URB1: variants seen among roughly 807,000 people sequenced by gnomAD.
The protein encoded by URB1 is URB1 ribosome biogenesis factor.
URB1 carries 197 observed loss-of-function variants against 242.3 expected under a neutral mutation model. The observed-to-expected ratio is 0.81, with a 90% CI of 0.72 to 0.91. URB1 has a LOEUF of 0.91. Ranked by LOEUF, URB1 falls within the 40% of genes least tolerant of loss-of-function variation. The pLI, the probability that URB1 is intolerant of heterozygous loss-of-function variation, is 0.00. For synonymous variants in URB1, 1,153 were observed against 1,201.8 expected (o/e 0.96, Z 0.84); for missense variants, 2,721 against 2,860.5 (o/e 0.95, Z 1.11).
Position 32,314,901 on chromosome 21 carries a change from G to A in URB1, c.*17C>T, listed in dbSNP as rs560140061. The A allele has an allele frequency of 8.4e-6, 13 of 1,546,526 alleles. No homozygotes were observed. The South Asian group carries it at 1.6e-4, about 19-fold the overall frequency. On this transcript the variant is annotated 3_prime_UTR_variant, in exon 39 of 39. Coordinates refer to ENST00000382751, the MANE Select transcript of URB1 (RefSeq NM_014825.3). ...GAGGCTCTGGTCATCAGGGTGCAAG[G>A]TGCTGGCCGGCAGGAGTCAAGCATC...
chr21:32,353,080 C>G (rs1259138877), intron 18 of URB1, among the ~76,000 whole-genome samples, 174 bp from the exon 19 acceptor site: 7 of 152,166 alleles, frequency 4.6e-5, no homozygotes, highest in Admixed American at 3.9e-4. Flanking sequence ...GTACTAGGCT[C>G]TGTTTTATTA....
At chr21:32,340,539 G>C (rs1310195910) in intron 25 of URB1, among the ~76,000 whole-genome samples, 1 of 149,938 alleles carries the variant, frequency 6.7e-6, no homozygotes, top group African/African-American at 2.5e-5. Flanking sequence ...CTTGAACCTG[G>C]GAGACAGATG....
intron 8 of URB1, among the ~76,000 whole-genome samples, chr21:32,371,183 A>C (rs2033402633): frequency 6.6e-6 from 1 of 152,166 alleles, no homozygotes; most frequent in African/African-American, 2.4e-5. Context: ...GGAACAGGGA[A>C]CGATGCAATT....
intron 34 of URB1, among the ~76,000 whole-genome samples, chr21:32,321,247 T>A (rs1246502993): frequency 6.6e-6 from 1 of 152,232 alleles, no homozygotes; most frequent in Non-Finnish European, 1.5e-5. Context: ...CTAAAAGCTT[T>A]TCCTATTTCC....
At chr21:32,340,057 C>T (rs550752096) in intron 25 of URB1, among the ~76,000 whole-genome samples, 26 of 152,324 alleles carry the variant, frequency 1.7e-4, no homozygotes, top group Admixed American at 5.9e-4. Flanking sequence ...CAGTCCTATA[C>T]GAATAACTTT....
intron 34 of URB1, among the ~76,000 whole-genome samples, chr21:32,320,976 G>A (rs2032758577): frequency 6.6e-6 from 1 of 152,210 alleles, no homozygotes; most frequent in Non-Finnish European, 1.5e-5. Flanking sequence ...GTGAGGGCCC[G>A]CCTCCAGGCC....
rs574632101 is a variant in URB1 at position 32,346,344 on chromosome 21, A to T, written c.3868+612T>A. Among the ~76,000 whole-genome samples the T allele has an allele frequency of 4.3e-3, 655 of 152,318 alleles. 3 individuals are homozygous for T. Among genetic ancestry groups the T allele is most frequent in the African/African-American group, 0.015 (603 of 41,564 alleles). On this transcript the variant is annotated intron_variant, in intron 22 of 38. Coordinates refer to ENST00000382751, the MANE Select transcript of URB1 (RefSeq NM_014825.3). ...AGGTCTTCCGTTATACCAATGTTAA[A>T]TGGACTATGACTAGAAGACTTGCAG... is the stretch of plus-strand genomic sequence containing the variant.
chr21:32,321,845 T>G lies in URB1; in HGVS notation c.5440A>C (p.Ile1814Leu). ...LCARRGIFHI[I>L]LSFFHSPLCD... ...AGCGGGCTGTGGAAGAAGGACAGGA[T>G]GATGTGGAAGATGCCACGCCGGGCA... The change falls in exon 34 of 39, where the codon ATC (isoleucine) becomes CTC (leucine). Residue 1814 changes from isoleucine to leucine, a missense_variant. Coordinates refer to ENST00000382751, the MANE Select transcript of URB1 (RefSeq NM_014825.3). 1 of 1,551,684 alleles carries G rather than the reference T, an allele frequency of 6.4e-7. No homozygotes were observed. The highest frequency in any genetic ancestry group is 8.7e-7 in the Non-Finnish European group (1 of 1,147,004).
intron 1 of URB1, among the ~76,000 whole-genome samples, chr21:32,386,513 G>C (rs1011696875): frequency 3.3e-5 from 5 of 152,154 alleles, no homozygotes; most frequent in South Asian, 2.1e-4. Context: ...TGCCCTAGTA[G>C]ATTAATCCAC....
chr21:32,350,376 G>A (rs2033143222), intron 20 of URB1, among the ~76,000 whole-genome samples: 1 of 152,224 alleles, frequency 6.6e-6, no homozygotes, highest in Non-Finnish European at 1.5e-5. Context: ...GGTCAAGGCT[G>A]TAGTGAGCTA....
intron 5 of URB1, chr21:32,377,317 C>A: frequency 2.0e-6 from 1 of 509,328 alleles, no homozygotes; most frequent in South Asian, 1.5e-5. Context: ...AAATCCAAAC[C>A]CATGCATAAG....
At chr21:32,376,652 T>G (rs187863321) in intron 5 of URB1, among the ~76,000 whole-genome samples, 67 of 152,250 alleles carry the variant, frequency 4.4e-4, no homozygotes, top group Admixed American at 7.9e-4. Flanking sequence ...TTTTTTTTCT[T>G]TTTGAGACAG....
chr21:32,318,079 G>A (rs1481942179), intron 36 of URB1, among the ~76,000 whole-genome samples, 162 bp from the exon 37 acceptor site: 1 of 152,104 alleles, frequency 6.6e-6, no homozygotes, highest in East Asian at 1.9e-4. Context: ...CCCCCAGGAC[G>A]CAGAAAAGAA....
intron 10 of URB1, among the ~76,000 whole-genome samples, chr21:32,365,058 T>G (rs1025707394): frequency 2.1e-4 from 32 of 152,224 alleles, no homozygotes; most frequent in African/African-American, 7.7e-4. Flanking sequence ...CCCTTTGTCC[T>G]GAAACAACAC....
chr21:32,388,091 C>T (rs577484039), intron 1 of URB1, among the ~76,000 whole-genome samples: 4 of 152,258 alleles, frequency 2.6e-5, no homozygotes, highest in Non-Finnish European at 5.9e-5. Context: ...CCACATCTGC[C>T]GGGGACGCAT....
Position 32,368,387 on chromosome 21 carries a change from T to C in URB1, c.1197+16A>G, listed in dbSNP as rs1266396270. The C allele has an allele frequency of 6.6e-7, 1 of 1,519,004 alleles. No homozygotes were observed. The highest frequency in any genetic ancestry group is 8.8e-7 in the Non-Finnish European group (1 of 1,131,890). The allele number at this position is 1,519,004 out of a possible 1,614,324, so 94.1% of individuals were successfully genotyped here. A position where few individuals can be genotyped will look rare whatever the true frequency, so the allele number is the denominator to read the frequency against. On this transcript the variant is annotated intron_variant, in intron 9 of 38. Coordinates refer to ENST00000382751, the MANE Select transcript of URB1 (RefSeq NM_014825.3). ...CCAGCTTAGCTAACAGACTTTTAAA[T>C]ATCATGTTTTTTTACCTTGTTTAGT... is the stretch of plus-strand genomic sequence containing the variant.
In URB1 at chr21:32,345,452, G is replaced by A. The variant is rs963874086; in HGVS notation, c.3992C>T (p.Pro1331Leu). Reference protein sequence around the residue: ...LYQEILAQLVPFARAKDLSVL... With the variant: ...LYQEILAQLVLFARAKDLSVL... ...ACTGAGATCCTTGGCTCGTGCAAAC[G>A]GGACCAGCTGTGCCAGGATCTCCTG... Residue 1331 changes from proline to leucine, a missense_variant, in exon 23 of 39, where the codon CCG (proline) becomes CTG (leucine). Transcript: ENST00000382751. The A allele has an allele frequency of 9.0e-6, 14 of 1,551,450 alleles. No homozygotes were observed. Among genetic ancestry groups the A allele is most frequent in the Middle Eastern group, 1.7e-4 (1 of 6,014 alleles).
chr21:32,316,646 G>C lies in URB1; in HGVS notation c.6454C>G (p.Leu2152Val). The change falls in exon 38 of 39, where the codon CTG (leucine) becomes GTG (valine). Residue 2152 changes from leucine to valine, a missense_variant. Physicochemically the swap from Leu to Val is conservative, Grantham distance 32 (BLOSUM62 1). Transcript: ENST00000382751. ...DSAVRSSIFR[L>V]YSRLCGAEGL... ...TCAGCCCCACAGAGCCGGCTATACA[G>C]CCTGAATATGCTGCTCCTCACGGCA... 1 of 1,551,536 alleles carries C rather than the reference G, an allele frequency of 6.4e-7. No individual in the cohort carries two copies. The highest frequency in any genetic ancestry group is 1.2e-5 in the South Asian group (1 of 84,040).
chr21:32,339,226 T>C (rs570875606), intron 25 of URB1, among the ~76,000 whole-genome samples: 70 of 152,258 alleles, frequency 4.6e-4, no homozygotes, highest in Middle Eastern at 6.8e-3. Flanking sequence ...ATTCCTGACC[T>C]CAGGTGAGCT....
Sources: gnomAD v4.1 joint callset for allele counts (sites outside exome capture counted in the v4.1 genomes callset) on GRCh38, gnomAD v4.1.1 for gene constraint, MANE v1.5 for transcripts, NCBI Gene and HGNC (gene_info 2026-07-23, HGNC 2026-07-21) for gene names.